The following TEKT2 variants were observed in gnomAD, a reference collection of about 807,000 sequenced individuals.
TEKT2 encodes tektin 2.
Under a neutral mutation model 49.8 loss-of-function variants are expected in TEKT2, and 45 were observed. That is an observed-to-expected ratio of 0.90 (90% CI 0.71 to 1.16). The LOEUF is 1.16. Among genes scored for constraint, TEKT2 ranks in the 50% most tolerant of loss-of-function variants. TEKT2 has a pLI of 0.00. For missense variants in TEKT2, 523 were observed against 551.4 expected (o/e 0.95, Z 0.52); for synonymous variants, 202 against 224.6 (o/e 0.90, Z 0.90).
rs753549777 is a variant in TEKT2 at position 36,088,038 on chromosome 1, A to G, written c.1145A>G (p.Asn382Ser). Residue 382 changes from asparagine (N) to serine (S), a missense_variant, in exon 10 of 10, where the codon AAC becomes AGC. Physicochemically the swap from Asn to Ser is conservative, Grantham distance 46. Transcript: ENST00000207457. The stretch of plus-strand genomic sequence containing the variant: ...CAGGCTGACATTGCCTGCAAGGCCA[A>G]CTCCATGCTGCTGGACACCAAGTGC... ...RLQADIACKA[N>S]SMLLDTKCMD... 2.5e-6 allele frequency: 4 copies of G among 1,612,710 alleles called. No homozygotes were observed. The highest frequency in any genetic ancestry group is 1.7e-5 in the Admixed American group (1 of 59,958).
In TEKT2 at chr1:36,087,121, T is replaced by G; in HGVS notation, c.747+76T>G. 6.2e-7 allele frequency: 1 copy of G among 1,604,694 alleles called. No homozygotes were observed. The highest frequency in any genetic ancestry group is 1.1e-5 in the South Asian group (1 of 90,644). On this transcript the variant is annotated intron_variant, in intron 6 of 9. Transcript: ENST00000207457. This position sits in a 1 kb window ranked among gnomAD's most constrained non-coding sequence, Gnocchi z 4.9. The stretch of plus-strand genomic sequence containing the variant: ...TATCTTCTGTTCCCTGCTGTGCATG[T>G]GGCCCCCTGCCCCTCGCTTGAGTAA...
chr1:36,086,781 G>GTC lies in TEKT2; in HGVS notation c.575_576dup (p.Asn193SerfsTer10), dbSNP rs759495294. The GTC allele has an allele frequency of 2.5e-6, 4 of 1,614,062 alleles. No homozygotes were observed. The highest frequency in any genetic ancestry group is 2.2e-5 in the East Asian group (1 of 44,822). On this transcript the variant is annotated frameshift_variant, in exon 5 of 10. Transcript: ENST00000207457. LOFTEE classifies it high-confidence loss of function. ...GAGACACTAGAGATCGACAGAGGCT[G>GTC]TCTCTCTCTCAACCTCAGATCCCCA...
At chr1:36,086,680 T>C in intron 4 of TEKT2, 24 bp from the exon 5 acceptor site, 1 of 1,613,994 alleles carries the variant, frequency 6.2e-7, no homozygotes, top group African/African-American at 1.3e-5. Flanking sequence ...GGGATGGTCC[T>C]GATGGAGTCT....
intron 3 of TEKT2, among the ~76,000 whole-genome samples, 191 bp downstream of exon 3, chr1:36,085,479 CTTTTCTTTTT>C (rs1213057930): frequency 3.2e-5 from 4 of 125,152 alleles, no homozygotes; most frequent in African/African-American, 5.9e-5. Flanking sequence ...CCACTCTTTT[CTTTTCTTTTT>C]TTTTCTTTCT....
At chr1:36,086,189 A>G (rs1240614986) in intron 4 of TEKT2, 148 bp downstream of exon 4, 2 of 862,596 alleles carry the variant, frequency 2.3e-6, no homozygotes, top group African/African-American at 3.3e-5. Context: ...CCACTAATCA[A>G]TTGTAGCACT....
At chr1:36,085,513 T>C (rs866344154) in intron 3 of TEKT2, among the ~76,000 whole-genome samples, 26 of 132,960 alleles carry the variant, frequency 2.0e-4, no homozygotes, top group African/African-American at 6.1e-4. Context: ...TTTTCTTTTT[T>C]TTTTTTTTTT....
At chr1:36,085,135 C>G (rs756512121) in intron 2 of TEKT2, 28 bp from the exon 3 acceptor site, 63 of 1,614,128 alleles carry the variant, frequency 3.9e-5, no homozygotes, top group Non-Finnish European at 1.1e-5. Context: ...CCCTTGACAC[C>G]CTCTCTATCT....
rs1410093732 is a variant in TEKT2, at chr1:36,087,027, T to C, written c.729T>C (p.Thr243=). Residue 243 remains threonine, a synonymous_variant, in exon 6 of 10, where the codon ACT becomes ACC. Coordinates refer to ENST00000207457, the MANE Select transcript of TEKT2 (RefSeq NM_014466.3). The surrounding 1 kb of genome is among the most constrained non-coding windows in gnomAD (Gnocchi z 4.9). ...MKAATELREA[T]ALTIAETNNE... Reference sequence around the variant, plus strand: ...CAGCCACAGAGCTGAGGGAGGCCACTGCTCTAACTATTGCTGAGGTGACAG... The same window carrying C: ...CAGCCACAGAGCTGAGGGAGGCCACCGCTCTAACTATTGCTGAGGTGACAG... 6.2e-7 allele frequency: 1 copy of C among 1,613,884 alleles called. No homozygotes were observed. The highest frequency in any genetic ancestry group is 8.5e-7 in the Non-Finnish European group (1 of 1,180,002).
At position 36,087,626 on chromosome 1, in the gene TEKT2, T is replaced by G. The variant is rs373134475; in HGVS notation, c.999+44T>G. ...GGCGCACGGGCCCCCTAGCCAAGGT[T>G]TTCTCATATTCCTGATGGAGCAAGG... is the stretch of plus-strand genomic sequence containing the variant. On this transcript the variant is annotated intron_variant, in intron 8 of 9. Coordinates refer to ENST00000207457, the MANE Select transcript of TEKT2 (RefSeq NM_014466.3). This position sits in a 1 kb window ranked among gnomAD's most constrained non-coding sequence, Gnocchi z 4.9. 7.4e-6 allele frequency: 12 copies of G among 1,613,144 alleles called. No homozygotes were observed. The African/African-American group carries it at 1.5e-4, about 20-fold the overall frequency.
rs1557728427 is a variant in TEKT2, at chr1:36,084,368, AG to A, written c.-53+224del. The A allele has an allele frequency of 6.5e-6, 1 of 153,400 alleles. No individual in the cohort carries two copies. The allele number at this position is 153,400 out of a possible 1,614,324, so 9.5% of individuals were successfully genotyped here. On this transcript the variant is annotated intron_variant, in intron 1 of 9. Coordinates refer to ENST00000207457, the MANE Select transcript of TEKT2 (RefSeq NM_014466.3). This position sits in a 1 kb window ranked among gnomAD's most constrained non-coding sequence, Gnocchi z 4.1. ...AGGGCGTGGCGGCTACCAGACGGGGAGGGGGCCGCCCCGGGGGCCGCCCCCC... is the reference window on the plus strand; with the variant it reads ...AGGGCGTGGCGGCTACCAGACGGGGAGGGGCCGCCCCGGGGGCCGCCCCCC...
Position 36,087,788 on chromosome 1 carries a change from CAG to C in TEKT2, c.1062_1063del (p.Lys355AlafsTer21), listed in dbSNP as rs755716323. ...AGAGGCAACCATCGCTGCCCTGAAG[CAG>C]AAGCTGGCGCAAGCACAGTAGGTCT... ...QLEATIAALK[Q>X]KLAQAQDALD... On this transcript the variant is annotated frameshift_variant, in exon 9 of 10. Coordinates refer to ENST00000207457, the MANE Select transcript of TEKT2 (RefSeq NM_014466.3). LOFTEE classifies it high-confidence loss of function. This position sits in a 1 kb window ranked among gnomAD's most constrained non-coding sequence, Gnocchi z 4.9. The C allele has an allele frequency of 1.1e-5, 17 of 1,613,680 alleles. No individual in the cohort carries two copies. The highest frequency in any genetic ancestry group is 8.3e-5 in the Admixed American group (5 of 59,986).
intron 2 of TEKT2, 41 bp downstream of exon 2, chr1:36,085,118 C>T: frequency 6.2e-7 from 1 of 1,614,204 alleles, no homozygotes; most frequent in Non-Finnish European, 8.5e-7. Context: ...AAGGGATAGC[C>T]CCCAACCCCT....
rs776295485 is a variant in TEKT2, at chr1:36,087,574, C to T, written c.991C>T (p.Arg331Trp). ...CTACCGGCCCAACGTGGAACTCTGC[C>T]GGGACCAGGTGAGAGGGTGTCCCAG... ...RTYRPNVELC[R>W]DQAQYGLTDE... Residue 331 changes from arginine (R) to tryptophan (W), a missense_variant, in exon 8 of 10, where the codon CGG becomes TGG. Arg to Trp is a moderately radical substitution (Grantham distance 101, BLOSUM62 -3). Coordinates refer to ENST00000207457, the MANE Select transcript of TEKT2 (RefSeq NM_014466.3). The surrounding 1 kb of genome is among the most constrained non-coding windows in gnomAD (Gnocchi z 4.9). 30 of 1,613,642 alleles carry T rather than the reference C, an allele frequency of 1.9e-5. No individual in the cohort carries two copies. Among genetic ancestry groups the T allele is most frequent in the Admixed American group, 1.7e-4 (10 of 60,000 alleles).
Position 36,084,932 on chromosome 1 carries a change from T to G in TEKT2, c.11T>G (p.Leu4Arg). 1.2e-6 allele frequency: 2 copies of G among 1,614,002 alleles called. No homozygotes were observed. The highest frequency in any genetic ancestry group is 1.7e-6 in the Non-Finnish European group (2 of 1,180,034). ...TCTGGTTTCTGTGCCATGGCCACGC[T>G]GAGCGTCAAGCCAAGTCGGCGCTTC... is the stretch of plus-strand genomic sequence containing the variant. MAT[L>R]SVKPSRRFQL... Residue 4 changes from leucine to arginine, a missense_variant, in exon 2 of 10, where the codon CTG becomes CGG. Transcript: ENST00000207457. This position sits in a 1 kb window ranked among gnomAD's most constrained non-coding sequence, Gnocchi z 4.1.
At chr1:36,085,693 T>G (rs1483499366) in intron 3 of TEKT2, 143 bp from the exon 4 acceptor site, 1 of 842,678 alleles carries the variant, frequency 1.2e-6, no homozygotes, top group African/African-American at 1.7e-5. Context: ...CTAATTTTTG[T>G]ATTTTTAGTA....
Position 36,087,465 on chromosome 1 carries a change from G to C in TEKT2, c.882G>C (p.Gln294His). 6.2e-7 allele frequency: 1 copy of C among 1,613,816 alleles called. No individual in the cohort carries two copies. The highest frequency in any genetic ancestry group is 8.5e-7 in the Non-Finnish European group (1 of 1,180,042). Residue 294 changes from glutamine (Q) to histidine (H), a missense_variant, in exon 8 of 10, where the codon CAG (glutamine) becomes CAC (histidine). Coordinates refer to ENST00000207457, the MANE Select transcript of TEKT2 (RefSeq NM_014466.3). The surrounding 1 kb of genome is among the most constrained non-coding windows in gnomAD (Gnocchi z 4.9). ...KNTLEEIAEL[Q>H]EDIRHLEEDL... ...CCTTGGAGGAGATCGCTGAGCTGCAGGAGGACATCCGGCACCTGGAGGAGG... is the reference window on the plus strand; with the variant it reads ...CCTTGGAGGAGATCGCTGAGCTGCACGAGGACATCCGGCACCTGGAGGAGG...
Position 36,087,773 on chromosome 1 carries a change from A to G in TEKT2, c.1045A>G (p.Ile349Val). The change falls in exon 9 of 10, where the codon ATC (isoleucine) becomes GTC (valine). Residue 349 changes from isoleucine to valine, a missense_variant. Physicochemically the swap from Ile to Val is conservative, Grantham distance 29. Transcript: ENST00000207457. The surrounding 1 kb of genome is among the most constrained non-coding windows in gnomAD (Gnocchi z 4.9). The stretch of plus-strand genomic sequence containing the variant: ...CGAGGTTCACCAGCTAGAGGCAACC[A>G]TCGCTGCCCTGAAGCAGAAGCTGGC... ...TDEVHQLEAT[I>V]AALKQKLAQA... 6.2e-7 allele frequency: 1 copy of G among 1,613,832 alleles called. No homozygotes were observed. Among genetic ancestry groups the G allele is most frequent in the Non-Finnish European group, 8.5e-7 (1 of 1,180,010 alleles).
At position 36,086,745 on chromosome 1, in the gene TEKT2, G is replaced by C; in HGVS notation, c.530G>C (p.Arg177Pro). Residue 177 changes from arginine (R) to proline (P), a missense_variant, in exon 5 of 10, where the codon CGG becomes CCG. Transcript: ENST00000207457. ...EVQQQLNSDHRGKMETLEIDR... is the reference protein window; with the variant it reads ...EVQQQLNSDHPGKMETLEIDR... The stretch of plus-strand genomic sequence containing the variant: ...CAACAGCAGCTCAACTCCGACCATC[G>C]GGGCAAAATGGAGACACTAGAGATC... The C allele has an allele frequency of 6.2e-7, 1 of 1,614,044 alleles. No individual in the cohort carries two copies. The highest frequency in any genetic ancestry group is 8.5e-7 in the Non-Finnish European group (1 of 1,180,028).
chr1:36,086,066 A>C (rs1267385185), intron 4 of TEKT2, 25 bp downstream of exon 4: 4 of 1,556,200 alleles, frequency 2.6e-6, no homozygotes, highest in Non-Finnish European at 3.5e-6. Flanking sequence ...GGTCGTCCGC[A>C]TGTTCATGGG....
Sources: gnomAD v4.1 joint callset for allele counts (sites outside exome capture counted in the v4.1 genomes callset) on GRCh38, gnomAD v4.1.1 for gene constraint, Gnocchi (gnomAD v3.1) non-coding constraint, MANE v1.5 for transcripts, NCBI Gene and HGNC (gene_info 2026-07-23, HGNC 2026-07-21) for gene names.